The following RP1 variants were observed in gnomAD, a reference collection of about 807,000 sequenced individuals.
RP1 encodes RP1 axonemal microtubule associated, also known as oxygen-regulated protein 1.
In RP1, 16 loss-of-function variants were observed where a neutral mutation model predicts 14.8. That is an observed-to-expected ratio of 1.08 (90% CI 0.73 to 1.65). The LOEUF (loss-of-function observed/expected upper bound fraction) is 1.65. Ranked by LOEUF, RP1 falls within the 40% of genes most tolerant of loss-of-function variation. The pLI is 0.00. For synonymous variants in RP1, 876 were observed against 883.6 expected, an observed-to-expected ratio of 0.99 and a Z score of 0.15; for missense variants, 2,631 against 2,535.0, an observed-to-expected ratio of 1.04 and a Z score of -0.81.
chr8:54,734,650 G>T, exon 18 of RP1: 1 of 1,535,800 alleles, frequency 6.5e-7, no homozygotes. Context: ...GTCACTCTCT[G>T]GGTGTATGGA....
chr8:54,841,046 C>A (rs116676166), intron 25 of RP1, among the ~76,000 whole-genome samples: 267 of 152,068 alleles, frequency 1.8e-3, no homozygotes, highest in African/African-American at 4.8e-3. Context: ...AAACAGAGAC[C>A]AAAACTCATG....
At chr8:54,802,548 C>T (rs1401799715) in intron 24 of RP1, among the ~76,000 whole-genome samples, 1 of 152,170 alleles carries the variant, frequency 6.6e-6, no homozygotes, top group African/African-American at 2.4e-5. Context: ...AATGTTTTAT[C>T]CACTTTCTCA....
chr8:54,567,807 T>G (rs574404572), intron 1 of RP1, among the ~76,000 whole-genome samples: 1 of 152,300 alleles, frequency 6.6e-6, no homozygotes, highest in East Asian at 1.9e-4. Flanking sequence ...TGCCTATACA[T>G]CCAAATGATT....
intron 24 of RP1, among the ~76,000 whole-genome samples, chr8:54,807,583 C>T (rs1011002084): frequency 5.3e-5 from 8 of 152,092 alleles, no homozygotes; most frequent in Non-Finnish European, 8.8e-5. Context: ...GTTCTCTAAC[C>T]ATGCAGAACC....
At chr8:54,667,502 G>C (rs1807046089) in intron 7 of RP1, among the ~76,000 whole-genome samples, 1 of 152,138 alleles carries the variant, frequency 6.6e-6, no homozygotes, top group Admixed American at 6.6e-5. Context: ...GAAAGAGATT[G>C]TGGGCTCCAG....
At chr8:54,678,986 C>A (rs1262374919) in intron 9 of RP1, among the ~76,000 whole-genome samples, 1 of 151,800 alleles carries the variant, frequency 6.6e-6, no homozygotes, top group Non-Finnish European at 1.5e-5. Flanking sequence ...GATTTGCTTT[C>A]GTGATAGATT....
chr8:54,768,162 T>A (rs765775693), intron 22 of RP1, among the ~76,000 whole-genome samples: 18 of 152,222 alleles, frequency 1.2e-4, no homozygotes, highest in Admixed American at 2.0e-4. Flanking sequence ...TTGGACTCTG[T>A]ACCTTTGCCA....
chr8:54,782,588 C>T (rs1373376040), intron 23 of RP1, among the ~76,000 whole-genome samples: 1 of 152,136 alleles, frequency 6.6e-6, no homozygotes, highest in Non-Finnish European at 1.5e-5. Flanking sequence ...TAGGGACAGG[C>T]TGTGATGAGT....
At chr8:54,646,651 T>A (rs555352765) in intron 3 of RP1, among the ~76,000 whole-genome samples, 9 of 152,308 alleles carry the variant, frequency 5.9e-5, no homozygotes, top group African/African-American at 1.9e-4. Flanking sequence ...AAGGTTTGAA[T>A]CATTTAATGA....
At chr8:54,573,768 A>G (rs1271193308) in intron 1 of RP1, among the ~76,000 whole-genome samples, 1 of 152,196 alleles carries the variant, frequency 6.6e-6, no homozygotes, top group African/African-American at 2.4e-5. Context: ...TGGGTGTTGA[A>G]TATACATGGC....
At chr8:54,569,828 C>T (rs978047250) in intron 1 of RP1, among the ~76,000 whole-genome samples, 1 of 152,116 alleles carries the variant, frequency 6.6e-6, no homozygotes, top group African/African-American at 2.4e-5. Context: ...TCACAGACGA[C>T]GTACCGCATG....
chr8:54,817,258 A>C (rs575729317), intron 24 of RP1, among the ~76,000 whole-genome samples: 180 of 152,248 alleles, frequency 1.2e-3, no homozygotes, highest in Admixed American at 3.1e-3. Context: ...TTTTTAGATG[A>C]CTGAGAGACA....
At chr8:54,826,244 A>G (rs1811384580) in intron 24 of RP1, among the ~76,000 whole-genome samples, 1 of 152,198 alleles carries the variant, frequency 6.6e-6, no homozygotes, top group African/African-American at 2.4e-5. Context: ...TTTGTAGGCA[A>G]AAATGTAAAG....
At chr8:54,577,216 A>C (rs551452712) in intron 1 of RP1, among the ~76,000 whole-genome samples, 2 of 152,158 alleles carry the variant, frequency 1.3e-5, no homozygotes, top group East Asian at 3.9e-4. Context: ...GTGTTTCATC[A>C]AGTTGGTCAA....
chr8:54,582,274 T>G (rs62514569), intron 1 of RP1, among the ~76,000 whole-genome samples: 29,911 of 151,158 alleles, frequency 0.2, 3,384 homozygotes, highest in East Asian at 0.36. Context: ...TTTCCCCATT[T>G]CTTGTTTTTG....
At chr8:54,809,478 T>C (rs760172846) in intron 24 of RP1, among the ~76,000 whole-genome samples, 1 of 152,184 alleles carries the variant, frequency 6.6e-6, no homozygotes, top group Non-Finnish European at 1.5e-5. Flanking sequence ...TTAATAAAAG[T>C]TAGATTCATG....
intron 14 of RP1, among the ~76,000 whole-genome samples, chr8:54,702,555 CG>C (rs1242998702): frequency 6.6e-6 from 1 of 152,080 alleles, no homozygotes; most frequent in Non-Finnish European, 1.5e-5. Flanking sequence ...TTTGCTGTAG[CG>C]GGGGGTCTTG....
At chr8:54,643,516 C>T (rs1806490595) in intron 3 of RP1, among the ~76,000 whole-genome samples, 1 of 152,212 alleles carries the variant, frequency 6.6e-6, no homozygotes, top group South Asian at 2.1e-4. Flanking sequence ...CAAGCTGTTA[C>T]ATCTATTAGT....
At chr8:54,861,796 G>T (rs765631155) in intron 27 of RP1, among the ~76,000 whole-genome samples, 20 of 152,098 alleles carry the variant, frequency 1.3e-4, no homozygotes, top group Non-Finnish European at 1.8e-4. Flanking sequence ...TAGAGACGGG[G>T]TTTTGCCATG....
Sources: allele counts gnomAD v4.1 joint callset (sites outside exome capture counted in the v4.1 genomes callset), GRCh38; gene constraint gnomAD v4.1.1; transcripts MANE v1.5; gene names NCBI Gene and HGNC (gene_info 2026-07-23, HGNC 2026-07-21).